SLC25A13: variants seen among roughly 807,000 people sequenced by gnomAD.
SLC25A13 encodes solute carrier family 25 member 13.
SLC25A13 carries 70 observed loss-of-function variants against 85.5 expected under a neutral mutation model. The ratio of observed to expected loss-of-function variants is 0.82; its 90% CI spans 0.68 to 1.00. SLC25A13 has a LOEUF of 1.00. Among genes scored for constraint, SLC25A13 ranks in the 50% least tolerant of loss-of-function variants. The probability of loss-of-function intolerance (pLI) is 0.00; values close to 1 mark genes in which losing one functional copy is unlikely to be tolerated. For synonymous variants in SLC25A13, 259 were observed against 288.7 expected (o/e 0.90, Z 1.04); for missense variants, 765 against 819.8 (o/e 0.93, Z 0.82).
At chr7:96,172,549 T>C (rs75623489) in intron 11 of SLC25A13, among the ~76,000 whole-genome samples, 3,256 of 150,874 alleles carry the variant, frequency 0.022, 120 homozygotes, top group African/African-American at 0.076. Flanking sequence ...GGAGCGAGAC[T>C]CTGCCTCAAA....
intron 3 of SLC25A13, among the ~76,000 whole-genome samples, chr7:96,276,430 T>C (rs1798453021): frequency 1.3e-5 from 2 of 152,122 alleles, no homozygotes; most frequent in Non-Finnish European, 2.9e-5. Context: ...GAGACCAGCC[T>C]GGGCAATACG....
At chr7:96,133,812 C>T (rs1347842071) in intron 14 of SLC25A13, among the ~76,000 whole-genome samples, 1 of 151,880 alleles carries the variant, frequency 6.6e-6, no homozygotes, top group Non-Finnish European at 1.5e-5. Context: ...ATCCCAGCTA[C>T]TCGGGAGACT....
At chr7:96,196,194 C>T (rs1337601981) in intron 5 of SLC25A13, among the ~76,000 whole-genome samples, 2 of 152,192 alleles carry the variant, frequency 1.3e-5, no homozygotes, top group African/African-American at 2.4e-5. Flanking sequence ...CTGTTAAACA[C>T]CCTGTAGTGA....
At chr7:96,291,752 C>T (rs1799127831) in intron 2 of SLC25A13, among the ~76,000 whole-genome samples, 1 of 152,120 alleles carries the variant, frequency 6.6e-6, no homozygotes, top group Admixed American at 6.5e-5. Flanking sequence ...CCTGAATAGA[C>T]CAATAACAGG....
chr7:96,280,062 C>T (rs920939437), intron 2 of SLC25A13, among the ~76,000 whole-genome samples: 2 of 152,104 alleles, frequency 1.3e-5, no homozygotes, highest in Non-Finnish European at 2.9e-5. Flanking sequence ...ATGCTGGGAT[C>T]GAATGACAGC....
chr7:96,213,501 G>A (rs554566985), intron 4 of SLC25A13, among the ~76,000 whole-genome samples: 3 of 152,302 alleles, frequency 2.0e-5, no homozygotes, highest in African/African-American at 7.2e-5. Flanking sequence ...AATTCCATGA[G>A]CCTTACTATG....
At chr7:96,199,614 C>A (rs1795181122) in intron 5 of SLC25A13, among the ~76,000 whole-genome samples, 1 of 152,124 alleles carries the variant, frequency 6.6e-6, no homozygotes, top group Admixed American at 6.6e-5. Context: ...AAGGCAGTTC[C>A]ACTCAAGTAC....
rs537886271 is a variant in SLC25A13 at position 96,121,098 on chromosome 7, C to T, written c.*93G>A. 2.2e-4 allele frequency: 304 copies of T among 1,353,888 alleles called. 1 individual carries two copies. Among genetic ancestry groups the T allele is most frequent in the Admixed American group, 2.0e-3 (120 of 58,728 alleles). 83.9% of individuals were successfully genotyped at this position (1,353,888 alleles called of 1,614,324 possible). A position where few individuals can be genotyped will look rare whatever the true frequency, so the allele number is the denominator to read the frequency against. On this transcript the variant is annotated 3_prime_UTR_variant, in exon 18 of 18. Coordinates refer to ENST00000265631, the MANE Select transcript of SLC25A13 (RefSeq NM_014251.3). ...GACTTGAATTTAAACAAGAGATGGACGTAAAAGGGATGAAGCATTGCTTCA... is the reference window on the plus strand; with the variant it reads ...GACTTGAATTTAAACAAGAGATGGATGTAAAAGGGATGAAGCATTGCTTCA...
Position 96,233,143 on chromosome 7 carries a change from T to C in SLC25A13, c.328+1659A>G, listed in dbSNP as rs558767771. The stretch of plus-strand genomic sequence containing the variant: ...TCCTCTAATATCAAATCGAACTCTC[T>C]TCCATTCCTCACATCCAGACTTGCT... On this transcript the variant is annotated intron_variant, in intron 4 of 17. Transcript: ENST00000265631. 9.2e-5 allele frequency among the ~76,000 whole-genome samples: 14 copies of C among 152,318 alleles called. 2 individuals carry two copies. The highest frequency in any genetic ancestry group is 2.6e-4 in the African/African-American group (11 of 41,568).
intron 2 of SLC25A13, among the ~76,000 whole-genome samples, chr7:96,289,085 C>T (rs1412531277): frequency 1.3e-5 from 2 of 152,236 alleles, no homozygotes; most frequent in African/African-American, 4.8e-5. Context: ...CAGGCAGCAA[C>T]ATTTGCTGTT....
intron 14 of SLC25A13, among the ~76,000 whole-genome samples, chr7:96,135,652 A>G (rs1424895980): frequency 6.6e-6 from 1 of 152,240 alleles, no homozygotes; most frequent in Non-Finnish European, 1.5e-5. Context: ...TGTTCCATGT[A>G]TAATTTTTAC....
intron 14 of SLC25A13, among the ~76,000 whole-genome samples, chr7:96,133,698 A>T (rs1361644076): frequency 6.6e-6 from 1 of 152,032 alleles, no homozygotes; most frequent in Non-Finnish European, 1.5e-5. Flanking sequence ...TTTTTGCCCC[A>T]AGCCTTCTTG....
rs757805685 is a variant in SLC25A13 at position 96,121,367 on chromosome 7, C to T, written c.1852G>A (p.Gly618Arg). Residue 618 changes from glycine to arginine, a missense_variant, in exon 18 of 18, where the codon GGA becomes AGA. Physicochemically the swap from Gly to Arg is moderately radical, Grantham distance 125. Transcript: ENST00000265631. ...YIDFGGVKPM[G>R]SEPVPKSRIN... ...CTGGATTTAGGAACTGGCTCTGATC[C>T]CATGGGTTTTCTAAAAGAAGAGAAA... 6.2e-7 allele frequency: 1 copy of T among 1,614,090 alleles called. No individual in the cohort carries two copies. Among genetic ancestry groups the T allele is most frequent in the Non-Finnish European group, 8.5e-7 (1 of 1,180,010 alleles).
chr7:96,263,418 C>T (rs969671646), intron 3 of SLC25A13, among the ~76,000 whole-genome samples: 3 of 152,170 alleles, frequency 2.0e-5, no homozygotes, highest in Non-Finnish European at 4.4e-5. Context: ...TAACCAATAC[C>T]TGGCTGTCCC....
intron 4 of SLC25A13, among the ~76,000 whole-genome samples, chr7:96,209,270 T>A (rs1381723393): frequency 7.9e-5 from 12 of 151,622 alleles, no homozygotes; most frequent in Non-Finnish European, 1.5e-4. Context: ...ACTATTATCA[T>A]CTCATTTGTT....
At chr7:96,259,172 A>G (rs1201372021) in intron 3 of SLC25A13, among the ~76,000 whole-genome samples, 1 of 152,246 alleles carries the variant, frequency 6.6e-6, no homozygotes, top group Admixed American at 6.5e-5. Flanking sequence ...CATGATTAAA[A>G]TACCAAAAGC....
intron 4 of SLC25A13, among the ~76,000 whole-genome samples, chr7:96,229,511 C>G (rs886661591): frequency 6.6e-6 from 1 of 152,146 alleles, no homozygotes; most frequent in East Asian, 1.9e-4. Flanking sequence ...CCCTTCCACG[C>G]TGTGGAAGCT....
chr7:96,231,448 G>A (rs574796911), intron 4 of SLC25A13, among the ~76,000 whole-genome samples: 19 of 152,176 alleles, frequency 1.2e-4, no homozygotes, highest in Non-Finnish European at 2.6e-4. Flanking sequence ...GGAAAGGCCA[G>A]GCGTGGTGTC....
chr7:96,190,191 T>TC (rs1794791716), intron 7 of SLC25A13, among the ~76,000 whole-genome samples: 1 of 151,640 alleles, frequency 6.6e-6, no homozygotes, highest in African/African-American at 2.4e-5. Flanking sequence ...TTCAAGCGAT[T>TC]CCCCTGCCTC....
Sources: allele counts gnomAD v4.1 joint callset (sites outside exome capture counted in the v4.1 genomes callset), GRCh38; gene constraint gnomAD v4.1.1; transcripts MANE v1.5; gene names NCBI Gene and HGNC (gene_info 2026-07-23, HGNC 2026-07-21).